Variants in CFAP20DC observed in about 807,000 individuals in gnomAD.
CFAP20DC encodes CFAP20 domain containing.
In CFAP20DC, 84 loss-of-function variants were observed where a neutral mutation model predicts 101.7. The observed-to-expected ratio is 0.83, with a 90% CI of 0.69 to 0.99. The LOEUF (loss-of-function observed/expected upper bound fraction) is 0.99. CFAP20DC is among the 50% of genes least tolerant of loss of function. The pLI is 0.00. For missense variants in CFAP20DC, 1,007 were observed against 970.3 expected, an observed-to-expected ratio of 1.04 and a Z score of -0.50; for synonymous variants, 359 against 351.2, an observed-to-expected ratio of 1.02 and a Z score of -0.25.
At chr3:58,990,142 T>G (rs2092891407) in intron 4 of CFAP20DC, among the ~76,000 whole-genome samples, 1 of 152,160 alleles carries the variant, frequency 6.6e-6, no homozygotes, top group African/African-American at 2.4e-5. Flanking sequence ...ACTGCAGTCC[T>G]GATCAGCCCT....
In CFAP20DC at chr3:58,849,258, C is replaced by T. The variant is rs1362914141; in HGVS notation, c.1745G>A (p.Ser582Asn). The T allele has an allele frequency of 1.3e-6, 2 of 1,536,068 alleles. No homozygotes were observed. The highest frequency in any genetic ancestry group is 1.7e-6 in the Non-Finnish European group (2 of 1,146,898). ...TATTTGCTCCATCGAGGAATCCTGGCTTTCTGTTGCTCCTGCTTCTGTGTA... is the reference window on the plus strand; with the variant it reads ...TATTTGCTCCATCGAGGAATCCTGGTTTTCTGTTGCTCCTGCTTCTGTGTA... ...SAYTEAGATE[S>N]QDSSMEQIDR... Residue 582 changes from serine to asparagine, a missense_variant, in exon 13 of 17, where the codon AGC becomes AAC. Physicochemically the swap from Ser to Asn is conservative, Grantham distance 46. Coordinates refer to ENST00000482387, the MANE Select transcript of CFAP20DC (RefSeq NM_001394063.1).
At position 58,964,413 on chromosome 3, in the gene CFAP20DC, C is replaced by G. The variant is rs149154259; in HGVS notation, c.279-26651G>C. ...TTCCTTATCACTCATGCACACAACC[C>G]TTTTCATGAATATTCATAGCTCCCC... On this transcript the variant is annotated intron_variant, in intron 4 of 16. Transcript: ENST00000482387. The surrounding 1 kb of genome is among the most constrained non-coding windows in gnomAD (Gnocchi z 4.1). Among the ~76,000 whole-genome samples the G allele has an allele frequency of 2.4e-3, 358 of 152,324 alleles. 2 individuals are homozygous for G. Among genetic ancestry groups the G allele is most frequent in the African/African-American group, 8.2e-3 (341 of 41,578 alleles).
chr3:59,046,432 CTT>C, intron 2 of CFAP20DC, 110 bp from the exon 3 acceptor site: 1 of 711,510 alleles, frequency 1.4e-6, no homozygotes, highest in Non-Finnish European at 2.3e-6. Context: ...ATTCAAATAA[CTT>C]AAAAGCAGGC....
rs2091370855 is a variant in CFAP20DC, at chr3:58,964,228, T to A, written c.279-26466A>T. Among the ~76,000 whole-genome samples, 1 of 152,212 alleles carries A rather than the reference T, an allele frequency of 6.6e-6. No homozygotes were observed. The highest frequency in any genetic ancestry group is 2.4e-5 in the African/African-American group (1 of 41,448). On this transcript the variant is annotated intron_variant, in intron 4 of 16. Coordinates refer to ENST00000482387, the MANE Select transcript of CFAP20DC (RefSeq NM_001394063.1). The surrounding 1 kb of genome is among the most constrained non-coding windows in gnomAD (Gnocchi z 4.1). ...GACTGATTTCAATAACCTTCTCCTG[T>A]TAAGAAGACTACCCACTATGGACTG...
At chr3:58,775,803 T>C (rs1050902742) in intron 15 of CFAP20DC, among the ~76,000 whole-genome samples, 14 of 150,696 alleles carry the variant, frequency 9.3e-5, no homozygotes, top group African/African-American at 2.9e-4. Context: ...TGGAGTGCAG[T>C]GGCGTGATCT....
intron 4 of CFAP20DC, chr3:58,970,268 A>G (rs1222313873): frequency 2.0e-5 from 3 of 152,166 alleles, no homozygotes; most frequent in Non-Finnish European, 2.9e-5. Flanking sequence ...TTATTTGTGA[A>G]TAAGGTATTT....
At chr3:58,985,845 G>T (rs2092732528) in intron 4 of CFAP20DC, among the ~76,000 whole-genome samples, 1 of 152,126 alleles carries the variant, frequency 6.6e-6, no homozygotes, top group South Asian at 2.1e-4. Flanking sequence ...GATAGTCTAT[G>T]AACTCACTAA....
At chr3:58,930,304 T>A (rs2107652233) in intron 5 of CFAP20DC, among the ~76,000 whole-genome samples, 1 of 152,242 alleles carries the variant, frequency 6.6e-6, no homozygotes, top group Admixed American at 6.5e-5. Context: ...TCACTTCCAA[T>A]TTCTACACCC....
chr3:58,794,475 A>C (rs1282429947), intron 15 of CFAP20DC: 2 of 318,286 alleles, frequency 6.3e-6, no homozygotes, highest in African/African-American at 2.1e-5. Flanking sequence ...TATTTATTAT[A>C]CTGAGCGGGT....
intron 3 of CFAP20DC, chr3:58,726,952 G>A: frequency 4.3e-6 from 1 of 235,176 alleles, no homozygotes; most frequent in Non-Finnish European, 8.5e-6. Flanking sequence ...GCCATCAGAA[G>A]AGATGAGAGC....
At chr3:59,019,750 T>C (rs2093765254) in intron 4 of CFAP20DC, among the ~76,000 whole-genome samples, 1 of 152,092 alleles carries the variant, frequency 6.6e-6, no homozygotes, top group South Asian at 2.1e-4. Flanking sequence ...TACTTTAAGA[T>C]AGCAGTTTTC....
rs1469465161 is a variant in CFAP20DC, at chr3:58,806,339, C to A, written c.2237+56G>T. 1.4e-5 allele frequency: 17 copies of A among 1,183,878 alleles called. 1 individual carries two copies. Among genetic ancestry groups the A allele is most frequent in the Middle Eastern group, 3.9e-4 (2 of 5,152 alleles). The allele number at this position is 1,183,878 out of a possible 1,614,324, so 73.3% of individuals were successfully genotyped here. ...ATTTCAGAAAACCAAGAAAAATGTACAATCTTCCAACTAAGTTTTTTTTTT... is the reference window on the plus strand; with the variant it reads ...ATTTCAGAAAACCAAGAAAAATGTAAAATCTTCCAACTAAGTTTTTTTTTT... On this transcript the variant is annotated intron_variant, in intron 15 of 16. Coordinates refer to ENST00000482387, the MANE Select transcript of CFAP20DC (RefSeq NM_001394063.1).
At chr3:58,767,284 A>G (rs1330021205) in intron 15 of CFAP20DC, among the ~76,000 whole-genome samples, 2 of 152,186 alleles carry the variant, frequency 1.3e-5, no homozygotes, top group African/African-American at 2.4e-5. Flanking sequence ...TTTCCTTACC[A>G]TGTATTCAAT....
At chr3:58,748,298 C>T (rs529997545) in intron 16 of CFAP20DC, among the ~76,000 whole-genome samples, 13 of 152,242 alleles carry the variant, frequency 8.5e-5, no homozygotes, top group African/African-American at 3.1e-4. Context: ...CAACGTTGAG[C>T]TATGGGAAAA....
chr3:58,831,685 C>A lies in CFAP20DC; in HGVS notation c.2175+1G>T, dbSNP rs765553535. The A allele has an allele frequency of 6.2e-7, 1 of 1,613,302 alleles. No homozygotes were observed. The highest frequency in any genetic ancestry group is 8.5e-7 in the Non-Finnish European group (1 of 1,179,572). On this transcript the variant is annotated splice_donor_variant, in intron 14 of 16. Transcript: ENST00000482387. LOFTEE classifies it high-confidence loss of function. Reference sequence around the variant, plus strand: ...AGGAAGCTGCAAAGCCAGGGACTCACGGGTGGCAGGCAGGAGTTCCAGGTG... The same window carrying A: ...AGGAAGCTGCAAAGCCAGGGACTCAAGGGTGGCAGGCAGGAGTTCCAGGTG...
intron 12 of CFAP20DC, among the ~76,000 whole-genome samples, chr3:58,852,930 A>G (rs1559708700): frequency 1.3e-5 from 2 of 151,920 alleles, no homozygotes; most frequent in Non-Finnish European, 2.9e-5. Flanking sequence ...AAGAACTAGA[A>G]AAGCAAGAGT....
intron 4 of CFAP20DC, among the ~76,000 whole-genome samples, chr3:59,026,913 T>C (rs1259123171): frequency 6.6e-6 from 1 of 152,136 alleles, no homozygotes; most frequent in Non-Finnish European, 1.5e-5. Context: ...TTCCATATTA[T>C]AGAAATGAAA....
At chr3:58,753,942 T>A in intron 15 of CFAP20DC, 79 bp from the exon 16 acceptor site, 2 of 921,030 alleles carry the variant, frequency 2.2e-6, no homozygotes, top group Non-Finnish European at 3.3e-6. Flanking sequence ...TTTCAGTTCC[T>A]TGGGGCTTCC....
intron 15 of CFAP20DC, among the ~76,000 whole-genome samples, chr3:58,766,106 T>C (rs1331270140): frequency 2.0e-5 from 3 of 152,200 alleles, no homozygotes; most frequent in African/African-American, 7.2e-5. Flanking sequence ...TTGCAAAGTT[T>C]TTCTGTAAAG....
Sources: gnomAD v4.1 joint callset for allele counts (sites outside exome capture counted in the v4.1 genomes callset) on GRCh38, gnomAD v4.1.1 for gene constraint, Gnocchi (gnomAD v3.1) non-coding constraint, MANE v1.5 for transcripts, NCBI Gene and HGNC (gene_info 2026-07-23, HGNC 2026-07-21) for gene names.